The following ZNF865 variants were observed in gnomAD, a reference collection of about 807,000 sequenced individuals.
ZNF865 encodes the protein zinc finger protein 865.
For missense variants in ZNF865, 1,311 were observed against 1,593.4 expected (o/e 0.82, Z 3.02); for synonymous variants, 763 against 750.8 (o/e 1.02, Z -0.27).
intron 1 of ZNF865, among the ~76,000 whole-genome samples, chr19:55,612,235 G>A (rs557243485): frequency 1.8e-3 from 268 of 152,280 alleles, no homozygotes; most frequent in African/African-American, 6.2e-3. Flanking sequence ...TGGAGAAAGT[G>A]TGGATCCCAG....
At position 55,616,075 on chromosome 19, in the gene ZNF865, C is replaced by G. The variant is rs146619376; in HGVS notation, c.2457C>G (p.Thr819=). Residue 819 remains threonine (T), a synonymous_variant, in exon 2 of 2, where the codon ACC becomes ACG. Transcript: ENST00000568956. Reference sequence around the variant, plus strand: ...AGTACGTGCACCTGGTGCGACGGACCCTGGGCTGCGGCCTCTGCGGCCAGA... The same window carrying G: ...AGTACGTGCACCTGGTGCGACGGACGCTGGGCTGCGGCCTCTGCGGCCAGA... ...THKYVHLVRR[T]LGCGLCGQSF... is the part of the protein sequence containing the mutation. 0.041 allele frequency: 61,194 copies of G among 1,506,174 alleles called. 2,236 individuals are homozygous for G. The highest frequency in any genetic ancestry group is 0.15 in the South Asian group (12,365 of 80,418). The allele number at this position is 1,506,174 out of a possible 1,614,324, so 93.3% of individuals were successfully genotyped here.
At chr19:55,613,549 C>CCAGCGCCGCGGCCGTGTCCT (rs1981213164) in intron 1 of ZNF865, 44 bp from the exon 2 acceptor site, 2 of 1,435,464 alleles carry the variant, frequency 1.4e-6, no homozygotes. Context: ...GCGGGGAGAC[C>CCAGCGCCGCGGCCGTGTCCT]CAGCGCCGCG....
intron 1 of ZNF865, among the ~76,000 whole-genome samples, chr19:55,612,048 A>C (rs1381073383): frequency 1.3e-5 from 2 of 152,194 alleles, no homozygotes; most frequent in African/African-American, 4.8e-5. Flanking sequence ...ACTAAGGGCA[A>C]GGATGGAACT....
chr19:55,616,726 C>A lies in ZNF865; in HGVS notation c.3108C>A (p.Arg1036=), dbSNP rs937233360. ...FANTYGLKKH[R]LAHKAENLGG... is the part of the protein sequence containing the mutation. ...ACACCTACGGCCTCAAGAAACACCG[C>A]CTGGCGCACAAGGCCGAGAACCTCG... Residue 1036 remains arginine, a synonymous_variant, in exon 2 of 2, where the codon CGC becomes CGA. Transcript: ENST00000568956. 7.9e-6 allele frequency: 12 copies of A among 1,513,732 alleles called. No individual in the cohort carries two copies. In the African/African-American group the frequency reaches 1.7e-4, roughly 21 times the overall value. The allele number at this position is 1,513,732 out of a possible 1,614,324, so 93.8% of individuals were successfully genotyped here.
rs1472229016 is a variant in ZNF865 at position 55,614,008 on chromosome 19, C to T, written c.390C>T (p.Phe130=). The part of the protein sequence containing the change: ...KKPDPPLPPA[F]GAPPPPLFDA... Reference sequence around the variant, plus strand: ...CCGATCCGCCCCTGCCGCCCGCCTTCGGGGCGCCCCCTCCTCCCCTCTTTG... The same window carrying T: ...CCGATCCGCCCCTGCCGCCCGCCTTTGGGGCGCCCCCTCCTCCCCTCTTTG... The change falls in exon 2 of 2, where the codon TTC becomes TTT. Residue 130 remains phenylalanine, a synonymous_variant. Coordinates refer to ENST00000568956, the MANE Select transcript of ZNF865 (RefSeq NM_001195605.2). This position sits in a 1 kb window ranked among gnomAD's most constrained non-coding sequence, Gnocchi z 8.0. 2 of 1,510,646 alleles carry T rather than the reference C, an allele frequency of 1.3e-6. No homozygotes were observed. The highest frequency in any genetic ancestry group is 2.5e-5 in the East Asian group (1 of 40,268). The allele number at this position is 1,510,646 out of a possible 1,614,324, so 93.6% of individuals were successfully genotyped here. A position where few individuals can be genotyped will look rare whatever the true frequency, so the allele number is the denominator to read the frequency against.
chr19:55,615,208 C>T lies in ZNF865; in HGVS notation c.1590C>T (p.Leu530=), dbSNP rs1981308097. ...TCCTGGGCGCCCACCCGCTGCTGCTCGGCGGCGCGGGGACCAGCGGGGCGG... is the reference window on the plus strand; with the variant it reads ...TCCTGGGCGCCCACCCGCTGCTGCTTGGCGGCGCGGGGACCAGCGGGGCGG... ...VPLLGAHPLL[L]GGAGTSGAGG... Residue 530 remains leucine (L), a synonymous_variant, in exon 2 of 2, where the codon CTC becomes CTT. Transcript: ENST00000568956. 2.8e-6 allele frequency: 4 copies of T among 1,441,688 alleles called. No homozygotes were observed. Among genetic ancestry groups the T allele is most frequent in the Admixed American group, 2.9e-5 (1 of 34,434 alleles). 89.3% of individuals were successfully genotyped at this position (1,441,688 alleles called of 1,614,324 possible).
chr19:55,613,783 G>A lies in ZNF865; in HGVS notation c.165G>A (p.Val55=), dbSNP rs1437544782. The A allele has an allele frequency of 6.5e-7, 1 of 1,533,362 alleles. No homozygotes were observed. The highest frequency in any genetic ancestry group is 2.5e-5 in the East Asian group (1 of 40,776). The allele number at this position is 1,533,362 out of a possible 1,614,324, so 95.0% of individuals were successfully genotyped here. The change falls in exon 2 of 2, where the codon GTG becomes GTA. Residue 55 remains valine, a synonymous_variant. Coordinates refer to ENST00000568956, the MANE Select transcript of ZNF865 (RefSeq NM_001195605.2). ...TGTATGGGGAACACGCCAAGGCGGT[G>A]GCGGCCCTGCCCTGCGCCCCCGGCC... ...MELYGEHAKA[V]AALPCAPGPP... is the part of the protein sequence containing the mutation.
rs1331886230 is a variant in ZNF865 at position 55,616,749 on chromosome 19, T to C, written c.3131T>C (p.Leu1044Pro). Residue 1044 changes from leucine to proline, a missense_variant, in exon 2 of 2, where the codon CTC (leucine) becomes CCC (proline). By Grantham distance (98) the Leu-to-Pro change is moderately conservative. Transcript: ENST00000568956. ...KHRLAHKAEN[L>P]GGPGAGAGTL... ...CGCCTGGCGCACAAGGCCGAGAACC[T>C]CGGGGGGCCTGGAGCAGGGGCGGGC... 2.0e-6 allele frequency: 3 copies of C among 1,477,566 alleles called. No homozygotes were observed. The highest frequency in any genetic ancestry group is 5.0e-5 in the East Asian group (2 of 40,176). The allele number at this position is 1,477,566 out of a possible 1,614,324, so 91.5% of individuals were successfully genotyped here. A position where few individuals can be genotyped will look rare whatever the true frequency, so the allele number is the denominator to read the frequency against.
rs938247738 is a variant in ZNF865, at chr19:55,614,976, C to A, written c.1358C>A (p.Pro453Gln). 7.0e-7 allele frequency: 1 copy of A among 1,427,266 alleles called. No individual in the cohort carries two copies. 88.4% of individuals were successfully genotyped at this position (1,427,266 alleles called of 1,614,324 possible). ...CDLCGKSYSA[P>Q]QSLLRHKAAH... Reference sequence around the variant, plus strand: ...CTGTGCGGCAAGTCCTACTCGGCTCCGCAGAGCCTGCTCCGCCACAAGGCC... The same window carrying A: ...CTGTGCGGCAAGTCCTACTCGGCTCAGCAGAGCCTGCTCCGCCACAAGGCC... Residue 453 changes from proline (P) to glutamine (Q), a missense_variant, in exon 2 of 2, where the codon CCG becomes CAG. Pro to Gln is a moderately conservative substitution (Grantham distance 76, BLOSUM62 -1). Coordinates refer to ENST00000568956, the MANE Select transcript of ZNF865 (RefSeq NM_001195605.2). This position sits in a 1 kb window ranked among gnomAD's most constrained non-coding sequence, Gnocchi z 8.0.
At chr19:55,609,576 G>C (rs547683857) in intron 1 of ZNF865, among the ~76,000 whole-genome samples, 2 of 152,220 alleles carry the variant, frequency 1.3e-5, no homozygotes, top group African/African-American at 4.8e-5. Context: ...GCATCAGAAA[G>C]ACCTGGAATC....
Position 55,614,211 on chromosome 19 carries a change from C to T in ZNF865, c.593C>T (p.Pro198Leu). ...PAPSQTPPGP[P>L]AAAACDPTKD... ...CCCTCGCAGACCCCGCCAGGACCCC[C>T]CGCGGCGGCGGCCTGCGACCCCACC... is the stretch of plus-strand genomic sequence containing the variant. The change falls in exon 2 of 2, where the codon CCC (proline) becomes CTC (leucine). Residue 198 changes from proline (P) to leucine (L), a missense_variant. Coordinates refer to ENST00000568956, the MANE Select transcript of ZNF865 (RefSeq NM_001195605.2). The surrounding 1 kb of genome is among the most constrained non-coding windows in gnomAD (Gnocchi z 8.0). 6.6e-7 allele frequency: 1 copy of T among 1,506,760 alleles called. No individual in the cohort carries two copies. The highest frequency in any genetic ancestry group is 8.8e-7 in the Non-Finnish European group (1 of 1,133,514). 93.3% of individuals were successfully genotyped at this position (1,506,760 alleles called of 1,614,324 possible).
At position 55,615,563 on chromosome 19, in the gene ZNF865, C is replaced by G. The variant is rs1032936517; in HGVS notation, c.1945C>G (p.Pro649Ala). The change falls in exon 2 of 2, where the codon CCG (proline) becomes GCG (alanine). Residue 649 changes from proline (P) to alanine (A), a missense_variant. Pro to Ala is a conservative substitution (Grantham distance 27, BLOSUM62 -1). Coordinates refer to ENST00000568956, the MANE Select transcript of ZNF865 (RefSeq NM_001195605.2). ...AAGLPSTQGT[P>A]GACGPGASGT... ...CGGCCTCCCCTCCACCCAAGGCACA[C>G]CGGGGGCCTGTGGGCCCGGGGCCTC... 8.5e-6 allele frequency: 13 copies of G among 1,526,944 alleles called. No homozygotes were observed. The Admixed American group carries it at 1.6e-4, about 19-fold the overall frequency. 94.6% of individuals were successfully genotyped at this position (1,526,944 alleles called of 1,614,324 possible).
Position 55,615,670 on chromosome 19 carries a change from C to T in ZNF865, c.2052C>T (p.Val684=), listed in dbSNP as rs941207726. The change falls in exon 2 of 2, where the codon GTC becomes GTT. Residue 684 remains valine (V), a synonymous_variant. Transcript: ENST00000568956. ...AGCACTTCCCGGATCTCTTTCACGTCATGAGTCACAAGGAGGTCCACATGG... is the reference window on the plus strand; with the variant it reads ...AGCACTTCCCGGATCTCTTTCACGTTATGAGTCACAAGGAGGTCCACATGG... The part of the protein sequence containing the change: ...CGEHFPDLFH[V]MSHKEVHMAE... The T allele has an allele frequency of 3.3e-6, 5 of 1,534,562 alleles. No homozygotes were observed. In the African/African-American group the frequency reaches 6.9e-5, roughly 21 times the overall value.
Position 55,614,565 on chromosome 19 carries a change from C to A in ZNF865, c.947C>A (p.Pro316His). The change falls in exon 2 of 2, where the codon CCT (proline) becomes CAT (histidine). Residue 316 changes from proline (P) to histidine (H), a missense_variant. By Grantham distance (77) the Pro-to-His change is moderately conservative. Coordinates refer to ENST00000568956, the MANE Select transcript of ZNF865 (RefSeq NM_001195605.2). This position sits in a 1 kb window ranked among gnomAD's most constrained non-coding sequence, Gnocchi z 8.0. ...GCCCCCTCCACGGTGTCCTCGGGCC[C>A]TCCAGCCACGCCCGTGGCGCCTGCC... ...AAAPSTVSSG[P>H]PATPVAPAPS... is the part of the protein sequence containing the mutation. 6.7e-7 allele frequency: 1 copy of A among 1,492,642 alleles called. No homozygotes were observed. The highest frequency in any genetic ancestry group is 8.9e-7 in the Non-Finnish European group (1 of 1,127,902). The allele number at this position is 1,492,642 out of a possible 1,614,324, so 92.5% of individuals were successfully genotyped here.
rs1385347086 is a variant in ZNF865 at position 55,614,423 on chromosome 19, C to G, written c.805C>G (p.Arg269Gly). Residue 269 changes from arginine (R) to glycine (G), a missense_variant, in exon 2 of 2, where the codon CGC (arginine) becomes GGC (glycine). Arg to Gly is a moderately radical substitution (Grantham distance 125). Coordinates refer to ENST00000568956, the MANE Select transcript of ZNF865 (RefSeq NM_001195605.2). The surrounding 1 kb of genome is among the most constrained non-coding windows in gnomAD (Gnocchi z 8.0). ...CTACAACCACGTGTCCAGCCTCATCCGCCACCGCCGCTGCCACAAGGACGT... is the reference window on the plus strand; with the variant it reads ...CTACAACCACGTGTCCAGCCTCATCGGCCACCGCCGCTGCCACAAGGACGT... ...RTYNHVSSLI[R>G]HRRCHKDVPP... 1 of 1,458,322 alleles carries G rather than the reference C, an allele frequency of 6.9e-7. No individual in the cohort carries two copies. Among genetic ancestry groups the G allele is most frequent in the Admixed American group, 2.4e-5 (1 of 42,038 alleles). 90.3% of individuals were successfully genotyped at this position (1,458,322 alleles called of 1,614,324 possible).
intron 1 of ZNF865, among the ~76,000 whole-genome samples, chr19:55,610,659 A>G (rs1479716114): frequency 6.6e-6 from 1 of 152,218 alleles, no homozygotes; most frequent in Non-Finnish European, 1.5e-5. Flanking sequence ...AAGCACCCAC[A>G]CTGGGCCAGT....
At chr19:55,608,574 A>C (rs1032318263) in intron 1 of ZNF865, among the ~76,000 whole-genome samples, 1 of 152,026 alleles carries the variant, frequency 6.6e-6, no homozygotes, top group African/African-American at 2.4e-5. Context: ...TTGGCCTCCA[A>C]AAATGCTGGG....
chr19:55,607,234 CAG>C (rs1980975774), intron 1 of ZNF865, among the ~76,000 whole-genome samples: 1 of 152,026 alleles, frequency 6.6e-6, no homozygotes, highest in African/African-American at 2.4e-5. Context: ...GGGGGTACAA[CAG>C]AGAACAAAAT....
chr19:55,613,778 G>C lies in ZNF865; in HGVS notation c.160G>C (p.Ala54Pro). The change falls in exon 2 of 2, where the codon GCG becomes CCG. Residue 54 changes from alanine (A) to proline (P), a missense_variant. Physicochemically the swap from Ala to Pro is conservative, Grantham distance 27 (BLOSUM62 -1). Coordinates refer to ENST00000568956, the MANE Select transcript of ZNF865 (RefSeq NM_001195605.2). ...GGAACTGTATGGGGAACACGCCAAG[G>C]CGGTGGCGGCCCTGCCCTGCGCCCC... Reference protein sequence around the residue: ...PMELYGEHAKAVAALPCAPGP... With the variant: ...PMELYGEHAKPVAALPCAPGP... 1.3e-6 allele frequency: 2 copies of C among 1,533,724 alleles called. No homozygotes were observed. Among genetic ancestry groups the C allele is most frequent in the South Asian group, 1.2e-5 (1 of 83,986 alleles).
Sources: allele counts gnomAD v4.1 joint callset (sites outside exome capture counted in the v4.1 genomes callset), GRCh38; gene constraint gnomAD v4.1.1; non-coding constraint Gnocchi (gnomAD v3.1); transcripts MANE v1.5; gene names NCBI Gene and HGNC (gene_info 2026-07-23, HGNC 2026-07-21).